The following SYT10 variants were observed in gnomAD, a reference collection of about 807,000 sequenced individuals.
SYT10 encodes synaptotagmin-10.
Under a neutral mutation model 51.1 loss-of-function variants are expected in SYT10, and 31 were observed. That is an observed-to-expected ratio of 0.61 (90% CI 0.46 to 0.82). The LOEUF (loss-of-function observed/expected upper bound fraction) is 0.82. Among genes scored for constraint, SYT10 ranks in the 40% least tolerant of loss-of-function variants. The pLI is 0.00. For missense variants in SYT10, 603 were observed against 634.0 expected, an observed-to-expected ratio of 0.95 and a Z score of 0.53; for synonymous variants, 233 against 225.9, an observed-to-expected ratio of 1.03 and a Z score of -0.28.
intron 3 of SYT10, among the ~76,000 whole-genome samples, chr12:33,396,829 G>T (rs1372572417): frequency 6.6e-6 from 1 of 151,944 alleles, no homozygotes; most frequent in Non-Finnish European, 1.5e-5. Flanking sequence ...TAGTAGAGAC[G>T]AGGTTTCACC....
intron 1 of SYT10, among the ~76,000 whole-genome samples, chr12:33,434,896 C>G (rs554091552): frequency 6.6e-6 from 1 of 152,090 alleles, no homozygotes; most frequent in East Asian, 1.9e-4. Flanking sequence ...ATAAACAAGC[C>G]CCTGACCTCA....
In SYT10 at chr12:33,379,841, T is replaced by C. The variant is rs1439420214; in HGVS notation, c.1491A>G (p.Pro497=). 9.9e-6 allele frequency: 16 copies of C among 1,613,688 alleles called. No homozygotes were observed. Among genetic ancestry groups the C allele is most frequent in the Non-Finnish European group, 1.3e-5 (15 of 1,179,836 alleles). ...YHRKPITHWH[P]LLELPGRATS... Reference sequence around the variant, plus strand: ...GAACTCACAAGCTTACCTCCAGCAATGGGTGCCAGTGCGTTATTGGTTTTC... The same window carrying C: ...GAACTCACAAGCTTACCTCCAGCAACGGGTGCCAGTGCGTTATTGGTTTTC... Residue 497 remains proline, a synonymous_variant, in exon 6 of 7, where the codon CCA becomes CCG. Coordinates refer to ENST00000228567, the MANE Select transcript of SYT10 (RefSeq NM_198992.4).
chr12:33,423,288 ATTAAAG>A (rs746810579), intron 2 of SYT10, among the ~76,000 whole-genome samples: 3 of 151,844 alleles, frequency 2.0e-5, no homozygotes, highest in Non-Finnish European at 4.4e-5. Flanking sequence ...GAAACAAAGT[ATTAAAG>A]TTAAATTCAG....
At chr12:33,411,829 A>G (rs1284726502) in intron 2 of SYT10, among the ~76,000 whole-genome samples, 1 of 152,162 alleles carries the variant, frequency 6.6e-6, no homozygotes, top group African/African-American at 2.4e-5. Context: ...TACCCCAGAT[A>G]TGAAAGATCA....
chr12:33,407,305 A>G lies in SYT10; in HGVS notation c.561T>C (p.Val187=). 6.2e-7 allele frequency: 1 copy of G among 1,610,990 alleles called. No individual in the cohort carries two copies. The highest frequency in any genetic ancestry group is 8.5e-7 in the Non-Finnish European group (1 of 1,180,016). Residue 187 remains valine (V), a synonymous_variant, in exon 3 of 7, where the codon GTT becomes GTC. Coordinates refer to ENST00000228567, the MANE Select transcript of SYT10 (RefSeq NM_198992.4). ...HLPRQMQVSS[V]DFSMGTEPVL... is the part of the protein sequence containing the mutation. ...CAGGTTCTGTGCCCATGCTAAAATC[A>G]ACACTGGAAACCTGCATTTGCCTCG...
intron 2 of SYT10, chr12:33,407,843 C>G (rs186556538): frequency 6.5e-6 from 1 of 152,948 alleles, no homozygotes; most frequent in East Asian, 1.9e-4. Flanking sequence ...CTTCTGGGCT[C>G]ACGCAATCCT....
intron 1 of SYT10, among the ~76,000 whole-genome samples, chr12:33,431,346 A>C (rs1307583041): frequency 2.0e-5 from 3 of 152,144 alleles, no homozygotes; most frequent in Non-Finnish European, 4.4e-5. Context: ...AAGAGATCCT[A>C]TTGCTGTGAA....
chr12:33,379,800 A>C, intron 6 of SYT10, 32 bp downstream of exon 6: 1 of 1,610,640 alleles, frequency 6.2e-7, no homozygotes, highest in Non-Finnish European at 8.5e-7. Context: ...GAGACAACAA[A>C]AAGAGCAGAC....
intron 3 of SYT10, among the ~76,000 whole-genome samples, chr12:33,404,596 C>G (rs1000982772): frequency 6.6e-5 from 10 of 151,914 alleles, no homozygotes; most frequent in African/African-American, 2.4e-4. Context: ...TTTCACCATG[C>G]TGGCCAGGCT....
intron 2 of SYT10, among the ~76,000 whole-genome samples, chr12:33,413,716 C>T (rs990746547): frequency 6.6e-6 from 1 of 152,146 alleles, no homozygotes; most frequent in African/African-American, 2.4e-5. Context: ...CCGGTACCAG[C>T]CACTGCAAAA....
Position 33,409,439 on chromosome 12 carries a change from A to G in SYT10, c.510-2083T>C, listed in dbSNP as rs559635518. On this transcript the variant is annotated intron_variant, in intron 2 of 6. Transcript: ENST00000228567. The stretch of plus-strand genomic sequence containing the variant: ...ACCATGTTGGCCAGGCTGGTCTCAA[A>G]CTCCTGACCTTAAGTGATTTGCCCA... 5.5e-4 allele frequency among the ~76,000 whole-genome samples: 83 copies of G among 149,754 alleles called. 1 individual carries two copies. Among genetic ancestry groups the G allele is most frequent in the African/African-American group, 2.0e-3 (82 of 40,658 alleles).
intron 4 of SYT10, among the ~76,000 whole-genome samples, chr12:33,384,766 T>G (rs948075011): frequency 2.0e-5 from 3 of 152,236 alleles, no homozygotes; most frequent in Non-Finnish European, 4.4e-5. Flanking sequence ...GGAACATGGC[T>G]ATTTCCCTGC....
At chr12:33,391,090 C>A (rs139442795) in intron 3 of SYT10, among the ~76,000 whole-genome samples, 2,220 of 152,218 alleles carry the variant, frequency 0.015, 42 homozygotes, top group African/African-American at 0.049. Flanking sequence ...GCACATGCCA[C>A]CAAGCCTAGC....
At chr12:33,378,931 T>A (rs1866089631) in intron 6 of SYT10, among the ~76,000 whole-genome samples, 1 of 152,046 alleles carries the variant, frequency 6.6e-6, no homozygotes, top group Middle Eastern at 3.2e-3. Context: ...CTTGACGCAT[T>A]CACATATAAA....
chr12:33,420,927 A>G (rs1170460322), intron 2 of SYT10, among the ~76,000 whole-genome samples: 1 of 152,132 alleles, frequency 6.6e-6, no homozygotes, highest in Non-Finnish European at 1.5e-5. Context: ...CTTTCCATTG[A>G]TCTGGGCAAG....
Position 33,387,854 on chromosome 12 carries a change from A to C in SYT10, c.1078-2563T>G, listed in dbSNP as rs181527641. Among the ~76,000 whole-genome samples, 41 of 149,792 alleles carry C rather than the reference A, an allele frequency of 2.7e-4. 1 individual carries two copies. The Middle Eastern group carries it at 0.017, about 64-fold the overall frequency. On this transcript the variant is annotated intron_variant, in intron 3 of 6. Transcript: ENST00000228567. Reference sequence around the variant, plus strand: ...AGGCTCAACCTCTCGGGCTCAGGTGATCCTCCCACCACAGCCTAGCTGGGA... The same window carrying C: ...AGGCTCAACCTCTCGGGCTCAGGTGCTCCTCCCACCACAGCCTAGCTGGGA...
chr12:33,430,802 TA>T (rs2138437454), intron 1 of SYT10, among the ~76,000 whole-genome samples: 1 of 152,224 alleles, frequency 6.6e-6, no homozygotes, highest in East Asian at 1.9e-4. Flanking sequence ...AGAGGGGGAA[TA>T]AAACTCAAAT....
intron 2 of SYT10, among the ~76,000 whole-genome samples, chr12:33,414,162 A>G (rs558003897): frequency 1.1e-4 from 16 of 152,326 alleles, no homozygotes; most frequent in Non-Finnish European, 2.1e-4. Context: ...CACCCAATAC[A>G]GGAGCACCCA....
intron 1 of SYT10, among the ~76,000 whole-genome samples, chr12:33,434,931 A>G (rs971125512): frequency 6.6e-6 from 1 of 152,258 alleles, no homozygotes; most frequent in African/African-American, 2.4e-5. Context: ...TATTGACTTA[A>G]TGTGTACAAC....
Sources: allele counts gnomAD v4.1 joint callset (sites outside exome capture counted in the v4.1 genomes callset), GRCh38; gene constraint gnomAD v4.1.1; transcripts MANE v1.5; gene names NCBI Gene and HGNC (gene_info 2026-07-23, HGNC 2026-07-21).